Variants in FAM193A observed in about 807,000 individuals in gnomAD.
FAM193A encodes the protein family with sequence similarity 193 member A.
A neutral mutation model predicts 126.5 loss-of-function variants in FAM193A; 22 were observed. That is an observed-to-expected ratio of 0.17 (90% CI 0.12 to 0.25). The LOEUF (loss-of-function observed/expected upper bound fraction) is 0.25, where lower values mean the gene tolerates loss of function less well. Among genes scored for constraint, FAM193A ranks in the 10% least tolerant of loss-of-function variants. The pLI, the probability that FAM193A is intolerant of heterozygous loss-of-function variation, is 1.00. For synonymous variants in FAM193A, 761 were observed against 646.8 expected, an observed-to-expected ratio of 1.18 and a Z score of -2.68; for missense variants, 1,675 against 1,672.8, an observed-to-expected ratio of 1.00 and a Z score of -0.02.
At chr4:2,707,147 T>G (rs1718405214) in intron 19 of FAM193A, among the ~76,000 whole-genome samples, 1 of 152,048 alleles carries the variant, frequency 6.6e-6, no homozygotes, top group Non-Finnish European at 1.5e-5. Flanking sequence ...AAGTTGTTGG[T>G]ATCTTTGTCA....
intron 2 of FAM193A, chr4:2,615,074 T>C (rs78505576): frequency 6.6e-6 from 1 of 152,158 alleles, no homozygotes; most frequent in East Asian, 1.9e-4. Flanking sequence ...TGTTAATTTT[T>C]CTCTTTATTA....
At chr4:2,614,463 T>C (rs893173113) in intron 2 of FAM193A, among the ~76,000 whole-genome samples, 2 of 152,178 alleles carry the variant, frequency 1.3e-5, no homozygotes, top group African/African-American at 4.8e-5. Context: ...ATAACTCACA[T>C]TTGGTTGTGA....
At chr4:2,681,708 C>T (rs1227144836) in intron 13 of FAM193A, among the ~76,000 whole-genome samples, 3 of 152,206 alleles carry the variant, frequency 2.0e-5, no homozygotes, top group African/African-American at 7.2e-5. Flanking sequence ...AAGCAGTCCT[C>T]CTGCCTCAGC....
intron 13 of FAM193A, among the ~76,000 whole-genome samples, chr4:2,679,670 G>A (rs1285499438): frequency 1.3e-5 from 2 of 151,968 alleles, no homozygotes; most frequent in Non-Finnish European, 1.5e-5. Flanking sequence ...GAGCCACCGC[G>A]CCCGACCCTG....
At chr4:2,616,907 G>T (rs1316332734) in intron 2 of FAM193A, among the ~76,000 whole-genome samples, 1 of 146,966 alleles carries the variant, frequency 6.8e-6, no homozygotes, top group East Asian at 2.2e-4. Context: ...GGTGGCTCTC[G>T]CCTGTAACCC....
chr4:2,677,405 T>TGTTTG (rs1714535358), intron 13 of FAM193A, among the ~76,000 whole-genome samples: 1 of 143,116 alleles, frequency 7.0e-6, no homozygotes, highest in African/African-American at 3.0e-5. Context: ...GTTTTTTTGT[T>TGTTTG]GTTTTGTTTT....
chr4:2,705,007 G>C (rs1230676090), intron 19 of FAM193A, among the ~76,000 whole-genome samples: 1 of 152,146 alleles, frequency 6.6e-6, no homozygotes, highest in Admixed American at 6.5e-5. Flanking sequence ...CGCCTCCGGG[G>C]GTCACGCCAT....
intron 7 of FAM193A, among the ~76,000 whole-genome samples, chr4:2,647,820 C>T (rs887035428): frequency 4.4e-4 from 67 of 152,294 alleles, no homozygotes; most frequent in Non-Finnish European, 2.6e-4. Flanking sequence ...TTTTGCACTT[C>T]GGAGACTCTC....
intron 2 of FAM193A, among the ~76,000 whole-genome samples, chr4:2,619,048 C>T (rs894212056): frequency 6.6e-6 from 1 of 151,988 alleles, no homozygotes; most frequent in African/African-American, 2.4e-5. Flanking sequence ...ATTTTTATTG[C>T]CTGTGTTCAG....
chr4:2,556,112 T>A (rs963757974), intron 1 of FAM193A, among the ~76,000 whole-genome samples: 1 of 151,434 alleles, frequency 6.6e-6, no homozygotes, highest in African/African-American at 2.4e-5. Context: ...GTCGGGCTGG[T>A]CTTGAACGCC....
At chr4:2,717,899 C>G (rs559288448) in intron 20 of FAM193A, among the ~76,000 whole-genome samples, 4 of 151,956 alleles carry the variant, frequency 2.6e-5, no homozygotes, top group African/African-American at 9.7e-5. Flanking sequence ...GGTGATCCAC[C>G]CCCCCTTGGC....
At chr4:2,718,974 C>T (rs1028061622) in intron 20 of FAM193A, among the ~76,000 whole-genome samples, 4 of 152,078 alleles carry the variant, frequency 2.6e-5, no homozygotes, top group South Asian at 4.2e-4. Context: ...GAGAATTCTA[C>T]CAAACTTTCA....
intron 7 of FAM193A, among the ~76,000 whole-genome samples, chr4:2,649,478 G>T (rs989606983): frequency 6.6e-6 from 1 of 151,724 alleles, no homozygotes; most frequent in South Asian, 2.1e-4. Flanking sequence ...TTTGAGATCA[G>T]CCTGGGTGAC....
At chr4:2,562,456 A>G (rs1032448191) in intron 1 of FAM193A, among the ~76,000 whole-genome samples, 1 of 152,150 alleles carries the variant, frequency 6.6e-6, no homozygotes, top group African/African-American at 2.4e-5. Context: ...CTTTAAGATC[A>G]TTTAAAATTT....
chr4:2,553,118 G>GTAA (rs1560438115), intron 1 of FAM193A, among the ~76,000 whole-genome samples: 2 of 152,128 alleles, frequency 1.3e-5, no homozygotes, highest in African/African-American at 4.8e-5. Context: ...AGCGTGCTGG[G>GTAA]ATTACGGGCT....
intron 1 of FAM193A, among the ~76,000 whole-genome samples, chr4:2,538,446 G>A (rs868217011): frequency 2.6e-5 from 4 of 152,076 alleles, no homozygotes; most frequent in African/African-American, 9.7e-5. Flanking sequence ...GCCCACCTTG[G>A]CGTCCCAAAG....
intron 7 of FAM193A, among the ~76,000 whole-genome samples, chr4:2,648,319 T>C (rs1745343226): frequency 6.6e-6 from 1 of 152,156 alleles, no homozygotes; most frequent in African/African-American, 2.4e-5. Context: ...CTGCGCCTCT[T>C]CCTTGGCTGC....
intron 20 of FAM193A, among the ~76,000 whole-genome samples, chr4:2,720,662 AAAC>A (rs1720034263): frequency 6.6e-6 from 1 of 152,038 alleles, no homozygotes; most frequent in South Asian, 2.1e-4. Flanking sequence ...AAAAAAAAAA[AAAC>A]AGTTATTTTT....
At chr4:2,649,176 C>T (rs1168224145) in intron 7 of FAM193A, among the ~76,000 whole-genome samples, 1 of 150,842 alleles carries the variant, frequency 6.6e-6, no homozygotes, top group African/African-American at 2.4e-5. Context: ...GAGTTTGAGA[C>T]CAGCCTGGGC....
Sources: allele counts gnomAD v4.1 joint callset (sites outside exome capture counted in the v4.1 genomes callset), GRCh38; gene constraint gnomAD v4.1.1; transcripts MANE v1.5; gene names NCBI Gene and HGNC (gene_info 2026-07-23, HGNC 2026-07-21).